Variants in COL4A5 observed in about 807,000 individuals in gnomAD.
COL4A5 encodes the protein collagen type IV alpha 5 chain.
COL4A5 carries 26 observed loss-of-function variants against 130.2 expected under a neutral mutation model. That is an observed-to-expected ratio of 0.20 (90% CI 0.15 to 0.28). The LOEUF (loss-of-function observed/expected upper bound fraction) is 0.28. COL4A5 is among the 10% of genes least tolerant of loss of function. The pLI, the probability that COL4A5 is intolerant of heterozygous loss-of-function variation, is 1.00. For missense variants in COL4A5, 1,131 were observed against 1,344.3 expected, an observed-to-expected ratio of 0.84 and a Z score of 2.48; for synonymous variants, 496 against 439.6, an observed-to-expected ratio of 1.13 and a Z score of -1.60.
In COL4A5 at chrX:108,632,356, G is replaced by A. The variant is rs2067277088; in HGVS notation, c.3246+6007G>A. On this transcript the variant is annotated intron_variant, in intron 36 of 52. Coordinates refer to ENST00000328300, the MANE Select transcript of COL4A5 (RefSeq NM_033380.3). ...ATAATTAATAGCCTACCACCCAAAA[G>A]AAGTCCAGGACCAGATGGATTCACA... Among the ~76,000 whole-genome samples the A allele has an allele frequency of 3.6e-5, 4 of 110,111 alleles. No homozygotes were observed. In the South Asian group the frequency reaches 1.2e-3, roughly 34 times the overall value.
chrX:108,554,897 A>G (rs771949762), intron 2 of COL4A5, among the ~76,000 whole-genome samples: 2 of 111,636 alleles, frequency 1.8e-5, no homozygotes, highest in South Asian at 3.8e-4. Flanking sequence ...AAAAACCCCA[A>G]ACTTTTAAAA....
At chrX:108,641,383 G>A (rs2067462660) in intron 36 of COL4A5, among the ~76,000 whole-genome samples, 1 of 111,560 alleles carries the variant, frequency 9.0e-6, no homozygotes, top group African/African-American at 3.3e-5. Flanking sequence ...CATGGTGGAC[G>A]GGAGACAGGA....
At chrX:108,539,681 G>GT in intron 1 of COL4A5, 65 bp from the exon 2 acceptor site, 1 of 902,722 alleles carries the variant, frequency 1.1e-6, no homozygotes, top group Non-Finnish European at 1.6e-6. Flanking sequence ...CAGTTGAGCT[G>GT]TAAGTCAGAG....
At chrX:108,577,847 A>G (rs2066178727) in intron 10 of COL4A5, 105 bp from the exon 11 acceptor site, 2 of 665,138 alleles carry the variant, frequency 3.0e-6, no homozygotes, top group Admixed American at 3.7e-5. Flanking sequence ...AGAAAATACT[A>G]TTTTGATGGG....
At chrX:108,644,638 G>A (rs1201818803) in intron 36 of COL4A5, among the ~76,000 whole-genome samples, 2 of 111,690 alleles carry the variant, frequency 1.8e-5, no homozygotes, top group Admixed American at 1.9e-4. Flanking sequence ...GGTGGCTCAC[G>A]CCTGTAATCC....
intron 1 of COL4A5, among the ~76,000 whole-genome samples, chrX:108,453,571 A>G (rs1388834501): frequency 9.0e-6 from 1 of 111,625 alleles, no homozygotes; most frequent in African/African-American, 3.2e-5. Flanking sequence ...TATATGGTAT[A>G]TGTTGATAGA....
intron 1 of COL4A5, among the ~76,000 whole-genome samples, chrX:108,531,141 T>C (rs2065378829): frequency 1.1e-5 from 1 of 93,917 alleles, no homozygotes; most frequent in Non-Finnish European, 2.1e-5. Context: ...TTCTCACTCA[T>C]AGGTGGGAAT....
At chrX:108,517,925 A>G (rs1371306086) in intron 1 of COL4A5, among the ~76,000 whole-genome samples, 1 of 110,593 alleles carries the variant, frequency 9.0e-6, no homozygotes, top group African/African-American at 3.3e-5. Flanking sequence ...TAACTTGTTT[A>G]TTTCTCTTAT....
At chrX:108,622,897 AGTGAC>A in intron 33 of COL4A5, 72 bp downstream of exon 33, 4 of 1,027,827 alleles carry the variant, frequency 3.9e-6, no homozygotes, top group Non-Finnish European at 2.7e-6. Flanking sequence ...TAGCATGAAA[AGTGAC>A]TTATAATACA....
At chrX:108,647,425 C>T (rs1267628482) in intron 36 of COL4A5, among the ~76,000 whole-genome samples, 2 of 111,053 alleles carry the variant, frequency 1.8e-5, no homozygotes, top group South Asian at 3.8e-4. Flanking sequence ...TTTTGCACAT[C>T]GATTTTGTAT....
Position 108,596,997 on chromosome X carries a change from G to A in COL4A5, c.1517-1G>A, listed in dbSNP as rs104886332. The A allele has an allele frequency of 8.5e-7, 1 of 1,177,540 alleles. No homozygotes were observed. The highest frequency in any genetic ancestry group is 1.1e-6 in the Non-Finnish European group (1 of 875,992). On this transcript the variant is annotated splice_acceptor_variant, in intron 22 of 52. Transcript: ENST00000328300. LOFTEE classifies it high-confidence loss of function. ...TGTTTGTTTGTGTGTGTGTGTGTTA[G>A]GATCTCTTGGTTTCCCTGGACAGAA...
At chrX:108,483,148 C>T (rs781490666) in intron 1 of COL4A5, among the ~76,000 whole-genome samples, 40 of 110,778 alleles carry the variant, frequency 3.6e-4, no homozygotes, top group Middle Eastern at 4.7e-3. Flanking sequence ...AACCACTCCT[C>T]GTACCAGAAT....
intron 1 of COL4A5, among the ~76,000 whole-genome samples, chrX:108,453,638 A>T (rs2147475972): frequency 8.9e-6 from 1 of 111,801 alleles, no homozygotes; most frequent in Admixed American, 9.5e-5. Flanking sequence ...AGGTCTTGAA[A>T]ACAAGAAGTT....
chrX:108,677,501 T>C lies in COL4A5; in HGVS notation c.3810T>C (p.Gly1270=). The C allele has an allele frequency of 8.3e-7, 1 of 1,209,020 alleles. No individual in the cohort carries two copies. Among genetic ancestry groups the C allele is most frequent in the Non-Finnish European group, 1.1e-6 (1 of 893,488 alleles). The change falls in exon 44 of 53, where the codon GGT becomes GGC. Residue 1270 remains glycine (G), a splice_region_variant and synonymous_variant. Coordinates refer to ENST00000328300, the MANE Select transcript of COL4A5 (RefSeq NM_033380.3). The part of the protein sequence containing the change: ...PGRPGPTGFQ[G]LPGPEGPPGL... ...CGTCATTTGCTGTGGATTATTAAGG[T>C]CTACCAGGTCCAGAAGGTCCTCCAG...
chrX:108,549,291 A>G (rs2065714351), intron 2 of COL4A5, among the ~76,000 whole-genome samples: 1 of 111,944 alleles, frequency 8.9e-6, no homozygotes, highest in Non-Finnish European at 1.9e-5. Context: ...ACATCAAACA[A>G]CTACAGAATA....
Position 108,658,363 on chromosome X carries a change from A to T in COL4A5, c.3373+2906A>T, listed in dbSNP as rs1181473497. Reference sequence around the variant, plus strand: ...TGTTGGACTGGATTTGCTGTTTTTTAAAAAATTATACATGGCCATGAGAGA... The same window carrying T: ...TGTTGGACTGGATTTGCTGTTTTTTTAAAAATTATACATGGCCATGAGAGA... On this transcript the variant is annotated intron_variant, in intron 37 of 52. Coordinates refer to ENST00000328300, the MANE Select transcript of COL4A5 (RefSeq NM_033380.3). Among the ~76,000 whole-genome samples the T allele has an allele frequency of 2.7e-5, 3 of 111,061 alleles. No individual in the cohort carries two copies. The East Asian group carries it at 8.4e-4, about 31-fold the overall frequency.
chrX:108,526,500 T>C (rs1253256979), intron 1 of COL4A5, among the ~76,000 whole-genome samples: 1 of 108,722 alleles, frequency 9.2e-6, no homozygotes, highest in East Asian at 2.9e-4. Flanking sequence ...TCTTTCTTTC[T>C]CTTTCTTTCT....
intron 36 of COL4A5, among the ~76,000 whole-genome samples, chrX:108,629,886 C>T (rs1289395954): frequency 9.0e-6 from 1 of 110,671 alleles, no homozygotes; most frequent in Non-Finnish European, 1.9e-5. Context: ...TCAATTCCCA[C>T]CTATGAGTGA....
chrX:108,576,652 A>G (rs1257566069), intron 10 of COL4A5, among the ~76,000 whole-genome samples: 1 of 112,394 alleles, frequency 8.9e-6, no homozygotes, highest in African/African-American at 3.2e-5. Context: ...CAGTAGAAGT[A>G]ATTTCTCATG....
Sources: gnomAD v4.1 joint callset for allele counts (sites outside exome capture counted in the v4.1 genomes callset) on GRCh38, gnomAD v4.1.1 for gene constraint, MANE v1.5 for transcripts, NCBI Gene and HGNC (gene_info 2026-07-23, HGNC 2026-07-21) for gene names.